The following NEDD4 variants were observed in gnomAD, a reference collection of about 807,000 sequenced individuals.
NEDD4 encodes NEDD4 E3 ubiquitin protein ligase, also known as E3 ubiquitin-protein ligase NEDD4.
NEDD4 carries 99 observed loss-of-function variants against 144.9 expected under a neutral mutation model. That is an observed-to-expected ratio of 0.68 (90% CI 0.58 to 0.81). The LOEUF (loss-of-function observed/expected upper bound fraction) is 0.81. Ranked by LOEUF, NEDD4 falls within the 30% of genes least tolerant of loss-of-function variation. NEDD4 has a pLI of 0.00. For missense variants in NEDD4, 985 were observed against 1,065.9 expected (o/e 0.92, Z 1.06); for synonymous variants, 318 against 350.6 (o/e 0.91, Z 1.04).
chr15:55,950,882 A>AT (rs1221189728), intron 4 of NEDD4, among the ~76,000 whole-genome samples: 11 of 152,310 alleles, frequency 7.2e-5, no homozygotes, highest in South Asian at 4.1e-4. Flanking sequence ...GTACTCTGAT[A>AT]TTAAATAGGT....
At chr15:55,929,936 C>T (rs575333410) in intron 4 of NEDD4, among the ~76,000 whole-genome samples, 27 of 151,956 alleles carry the variant, frequency 1.8e-4, no homozygotes, top group Admixed American at 1.2e-3. Context: ...GAATGAAAAA[C>T]GACTGTTGAA....
intron 4 of NEDD4, among the ~76,000 whole-genome samples, chr15:55,933,762 G>C (rs1337758180): frequency 4.6e-5 from 7 of 152,038 alleles, no homozygotes; most frequent in Non-Finnish European, 1.0e-4. Flanking sequence ...ATGTGAAGAG[G>C]GATGTGTTTG....
rs543692440 is a variant in NEDD4 at position 55,922,974 on chromosome 15, A to G, written c.291+1672T>C. 1.2e-4 allele frequency among the ~76,000 whole-genome samples: 18 copies of G among 152,262 alleles called. No homozygotes were observed. The South Asian group carries it at 2.3e-3, about 19-fold the overall frequency. On this transcript the variant is annotated intron_variant, in intron 5 of 28. Transcript: ENST00000435532. Reference sequence around the variant, plus strand: ...CCAATACAAAGTTTAATTTGTTTCCATCTAGAAGGGACCAGCCTGGCCAAC... The same window carrying G: ...CCAATACAAAGTTTAATTTGTTTCCGTCTAGAAGGGACCAGCCTGGCCAAC...
In NEDD4 at chr15:55,945,011, C is replaced by T. The variant is rs187565897; in HGVS notation, c.237+6365G>A. Among the ~76,000 whole-genome samples, 17 of 152,106 alleles carry T rather than the reference C, an allele frequency of 1.1e-4. No individual in the cohort carries two copies. The East Asian group carries it at 1.9e-3, about 17-fold the overall frequency. On this transcript the variant is annotated intron_variant, in intron 4 of 28. Transcript: ENST00000435532. ...ACACCAAAACCCCATCTGTATGTCA[C>T]GAACGTCAAAGATGAAAGGTAGATA...
intron 5 of NEDD4, among the ~76,000 whole-genome samples, chr15:55,881,603 G>A (rs2035195207): frequency 6.6e-6 from 1 of 151,978 alleles, no homozygotes; most frequent in Admixed American, 6.6e-5. Context: ...GAATTATCTA[G>A]TTAACTTAGG....
At chr15:55,884,831 C>T (rs768783283) in intron 5 of NEDD4, among the ~76,000 whole-genome samples, 2 of 151,948 alleles carry the variant, frequency 1.3e-5, no homozygotes, top group Non-Finnish European at 2.9e-5. Context: ...ATGGGCAAAT[C>T]GAAGAGGTAT....
In NEDD4 at chr15:55,850,727, T is replaced by C. The variant is rs373466742; in HGVS notation, c.1162A>G (p.Ser388Gly). The C allele has an allele frequency of 2.9e-5, 46 of 1,613,520 alleles. No individual in the cohort carries two copies. The highest frequency in any genetic ancestry group is 5.3e-5 in the African/African-American group (4 of 74,922). ...KPTVQATVETSQLTSSQSSAG... is the reference protein window; with the variant it reads ...KPTVQATVETGQLTSSQSSAG... ...GAACTCTGGCTTGAGGTCAGCTGAC[T>C]GGTCTCCACTGTGGCCTAGCACATT... Residue 388 changes from serine (S) to glycine (G), a missense_variant, in exon 14 of 29, where the codon AGT (serine) becomes GGT (glycine). Transcript: ENST00000435532.
intron 6 of NEDD4, 58 bp from the exon 7 acceptor site, chr15:55,872,534 T>C (rs2034839269): frequency 1.4e-6 from 1 of 711,412 alleles, no homozygotes. Flanking sequence ...CATGTACTTT[T>C]CAAGAATACT....
chr15:55,838,470 C>CTG, intron 22 of NEDD4, 39 bp downstream of exon 22: 1 of 1,378,294 alleles, frequency 7.3e-7, no homozygotes, highest in South Asian at 1.2e-5. Context: ...ATTTGTCTCA[C>CTG]AATTTATGTG....
intron 5 of NEDD4, among the ~76,000 whole-genome samples, chr15:55,912,736 C>T (rs1437051599): frequency 6.6e-6 from 1 of 152,128 alleles, no homozygotes; most frequent in Non-Finnish European, 1.5e-5. Flanking sequence ...CTTGATTGAA[C>T]TGACAAAATA....
At chr15:55,852,570 A>G in intron 12 of NEDD4, 27 bp from the exon 13 acceptor site, 1 of 1,608,440 alleles carries the variant, frequency 6.2e-7, no homozygotes, top group East Asian at 2.2e-5. Context: ...CAGAAGAATT[A>G]AATACATCAA....
intron 5 of NEDD4, among the ~76,000 whole-genome samples, chr15:55,912,881 G>A (rs2036319894): frequency 6.6e-6 from 1 of 152,200 alleles, no homozygotes; most frequent in East Asian, 1.9e-4. Flanking sequence ...TGTTTGCTAT[G>A]CCTGAAATCA....
intron 4 of NEDD4, among the ~76,000 whole-genome samples, chr15:55,927,001 G>A (rs1366065777): frequency 1.3e-5 from 2 of 150,208 alleles, no homozygotes. Context: ...GCTTGAACCT[G>A]GGGGACAGAG....
At chr15:55,945,776 C>T (rs1426840563) in intron 4 of NEDD4, among the ~76,000 whole-genome samples, 3 of 151,956 alleles carry the variant, frequency 2.0e-5, no homozygotes, top group Admixed American at 1.3e-4. Context: ...TGAGGTTACC[C>T]ACTAAGAGAA....
chr15:55,905,178 TGTAA>T, intron 5 of NEDD4: 1 of 406,438 alleles, frequency 2.5e-6, no homozygotes, highest in East Asian at 8.0e-5. Flanking sequence ...TTAAGAATTC[TGTAA>T]GTAAATATCA....
At chr15:55,891,212 CATAAA>C (rs1230917210) in intron 5 of NEDD4, among the ~76,000 whole-genome samples, 2 of 152,134 alleles carry the variant, frequency 1.3e-5, no homozygotes, top group Non-Finnish European at 2.9e-5. Context: ...TTCACTTCTA[CATAAA>C]ATGAAATGAT....
At chr15:55,916,737 T>TGAA in intron 5 of NEDD4, 1 of 1,614,060 alleles carries the variant, frequency 6.2e-7, no homozygotes. Flanking sequence ...GAAGCACATG[T>TGAA]GAACATGGCT....
chr15:55,880,226 A>C (rs1180669439), intron 5 of NEDD4, among the ~76,000 whole-genome samples: 1 of 152,122 alleles, frequency 6.6e-6, no homozygotes, highest in East Asian at 1.9e-4. Context: ...CAGGAAGTGG[A>C]GGTTGCAGTG....
At chr15:55,920,050 G>A (rs2036541372) in intron 5 of NEDD4, among the ~76,000 whole-genome samples, 1 of 152,102 alleles carries the variant, frequency 6.6e-6, no homozygotes, top group Admixed American at 6.6e-5. Context: ...TGAGGGCTTT[G>A]AAAGCAAACA....
Sources: allele counts gnomAD v4.1 joint callset (sites outside exome capture counted in the v4.1 genomes callset), GRCh38; gene constraint gnomAD v4.1.1; transcripts MANE v1.5; gene names NCBI Gene and HGNC (gene_info 2026-07-23, HGNC 2026-07-21).